Variants in GRIA1 observed in about 807,000 individuals in gnomAD.
GRIA1 encodes the protein glutamate receptor 1.
Under a neutral mutation model 99.2 loss-of-function variants are expected in GRIA1, and 31 were observed. That is an observed-to-expected ratio of 0.31 (90% CI 0.23 to 0.42). The LOEUF (loss-of-function observed/expected upper bound fraction) is 0.42. Among genes scored for constraint, GRIA1 ranks in the 10% least tolerant of loss-of-function variants. The probability of loss-of-function intolerance (pLI) is 1.00; values close to 1 mark genes in which losing one functional copy is unlikely to be tolerated. For synonymous variants in GRIA1, 438 were observed against 432.4 expected (o/e 1.01, Z -0.16); for missense variants, 782 against 1,157.5 (o/e 0.68, Z 4.71).
chr5:153,557,562 T>G (rs1421748058), intron 2 of GRIA1, among the ~76,000 whole-genome samples: 1 of 152,240 alleles, frequency 6.6e-6, no homozygotes, highest in Non-Finnish European at 1.5e-5. Context: ...ATACAACTTT[T>G]TTTTCCTTAT....
intron 2 of GRIA1, among the ~76,000 whole-genome samples, chr5:153,555,595 G>A (rs6891253): frequency 0.47 from 70,924 of 151,926 alleles, 18,290 homozygotes; most frequent in Non-Finnish European, 0.59. Flanking sequence ...CAAAGACCAG[G>A]GCCTCATGGA....
chr5:153,701,935 C>G (rs1227153828), intron 10 of GRIA1, among the ~76,000 whole-genome samples: 1 of 152,130 alleles, frequency 6.6e-6, no homozygotes, highest in Non-Finnish European at 1.5e-5. Flanking sequence ...GTGCCAGGTG[C>G]TATGTTGAAT....
intron 2 of GRIA1, among the ~76,000 whole-genome samples, chr5:153,632,668 G>A (rs546948597): frequency 2.0e-5 from 3 of 152,238 alleles, no homozygotes; most frequent in African/African-American, 2.4e-5. Context: ...TGGTCCTCAC[G>A]TCACAGGTGA....
intron 2 of GRIA1, among the ~76,000 whole-genome samples, chr5:153,512,281 G>A (rs1304170061): frequency 1.3e-5 from 2 of 152,124 alleles, no homozygotes; most frequent in Admixed American, 6.5e-5. Flanking sequence ...TTTACCTTGA[G>A]TGATTGGACT....
At chr5:153,585,719 A>T (rs1385588365) in intron 2 of GRIA1, among the ~76,000 whole-genome samples, 1 of 152,098 alleles carries the variant, frequency 6.6e-6, no homozygotes, top group African/African-American at 2.4e-5. Context: ...GTCCATGCTG[A>T]CTAGATTCCT....
chr5:153,780,236 C>T (rs577580025), intron 13 of GRIA1, among the ~76,000 whole-genome samples: 14 of 152,294 alleles, frequency 9.2e-5, no homozygotes, highest in African/African-American at 3.4e-4. Context: ...AGGAAAGAGA[C>T]GGATTGGATA....
At position 153,490,688 on chromosome 5, in the gene GRIA1, T is replaced by G; in HGVS notation, c.-201T>G. The G allele has an allele frequency of 1.6e-6, 1 of 636,634 alleles. No individual in the cohort carries two copies. The highest frequency in any genetic ancestry group is 2.8e-6 in the Non-Finnish European group (1 of 352,554). The allele number at this position is 636,634 out of a possible 1,614,324, so 39.4% of individuals were successfully genotyped here. A position where few individuals can be genotyped will look rare whatever the true frequency, so the allele number is the denominator to read the frequency against. On this transcript the variant is annotated 5_prime_UTR_variant, in exon 1 of 16. Coordinates refer to ENST00000285900, the MANE Select transcript of GRIA1 (RefSeq NM_000827.4). ...CGTGCTCAGTTAATCTGGCTGTCAGTTGGTGTTAACGCTGCAGTTTAAGTG... is the reference window on the plus strand; with the variant it reads ...CGTGCTCAGTTAATCTGGCTGTCAGGTGGTGTTAACGCTGCAGTTTAAGTG...
intron 2 of GRIA1, among the ~76,000 whole-genome samples, chr5:153,512,889 TG>T (rs1756236169): frequency 6.6e-6 from 1 of 152,154 alleles, no homozygotes; most frequent in Admixed American, 6.5e-5. Context: ...GTCATGAGGA[TG>T]TCATCCTCAT....
Position 153,709,126 on chromosome 5 carries a change from A to G in GRIA1, c.1823+3059A>G, listed in dbSNP as rs371617622. Among the ~76,000 whole-genome samples the G allele has an allele frequency of 1.3e-4, 20 of 152,332 alleles. No homozygotes were observed. The East Asian group carries it at 1.7e-3, about 13-fold the overall frequency. ...TTAGAGACTAAGAAGACAATGAAAA[A>G]CATCAGTAGAAACTTTTGTTGTCAT... On this transcript the variant is annotated intron_variant, in intron 11 of 15. Coordinates refer to ENST00000285900, the MANE Select transcript of GRIA1 (RefSeq NM_000827.4).
chr5:153,781,559 A>C (rs534844517), intron 13 of GRIA1, among the ~76,000 whole-genome samples: 2 of 152,244 alleles, frequency 1.3e-5, no homozygotes, highest in African/African-American at 2.4e-5. Context: ...ATTGCTTATC[A>C]CATAGACCAG....
At chr5:153,647,244 A>C (rs529928610) in intron 3 of GRIA1, 77 bp downstream of exon 3, 1 of 1,481,112 alleles carries the variant, frequency 6.8e-7, no homozygotes, top group African/African-American at 1.4e-5. Context: ...ATGATGCCTC[A>C]CTGCTTCCCT....
rs142020449 is a variant in GRIA1, at chr5:153,581,105, G to A, written c.221-65823G>A. On this transcript the variant is annotated intron_variant, in intron 2 of 15. Transcript: ENST00000285900. Reference sequence around the variant, plus strand: ...CATGCGGACGGCTTCCTACTCTCCCGTTTTTGCCCTCCCTGCACATCTGTG... The same window carrying A: ...CATGCGGACGGCTTCCTACTCTCCCATTTTTGCCCTCCCTGCACATCTGTG... Among the ~76,000 whole-genome samples, 624 of 152,282 alleles carry A rather than the reference G, an allele frequency of 4.1e-3. 7 individuals are homozygous for A. The highest frequency in any genetic ancestry group is 0.014 in the African/African-American group (593 of 41,572).
intron 11 of GRIA1, among the ~76,000 whole-genome samples, chr5:153,718,713 C>G (rs575597732): frequency 6.6e-6 from 1 of 152,166 alleles, no homozygotes; most frequent in East Asian, 1.9e-4. Flanking sequence ...TTCCTTCCCA[C>G]CCTATCCCTG....
Position 153,812,380 on chromosome 5 carries a change from T to C in GRIA1, c.*1155T>C, listed in dbSNP as rs1276725931. 1 of 152,202 alleles carries C rather than the reference T, an allele frequency of 6.6e-6. No individual in the cohort carries two copies. The highest frequency in any genetic ancestry group is 1.9e-4 in the East Asian group (1 of 5,196). 9.4% of individuals were successfully genotyped at this position (152,202 alleles called of 1,614,324 possible). A position where few individuals can be genotyped will look rare whatever the true frequency, so the allele number is the denominator to read the frequency against. On this transcript the variant is annotated 3_prime_UTR_variant, in exon 16 of 16. Transcript: ENST00000285900. Reference sequence around the variant, plus strand: ...ATAGAGCTTCCCATGGTGTGCCCTATCCTAGGTTTAAGAAAACACGTATGA... The same window carrying C: ...ATAGAGCTTCCCATGGTGTGCCCTACCCTAGGTTTAAGAAAACACGTATGA...
At chr5:153,797,274 T>C (rs1000437603) in intron 14 of GRIA1, among the ~76,000 whole-genome samples, 6 of 152,214 alleles carry the variant, frequency 3.9e-5, no homozygotes, top group African/African-American at 1.4e-4. Flanking sequence ...CTGGGAGTTA[T>C]GTGTGGTCCA....
Position 153,601,709 on chromosome 5 carries a change from C to T in GRIA1, c.221-45219C>T, listed in dbSNP as rs143380038. Among the ~76,000 whole-genome samples, 451 of 152,344 alleles carry T rather than the reference C, an allele frequency of 3.0e-3. 10 individuals carry two copies. The highest frequency in any genetic ancestry group is 0.029 in the East Asian group (149 of 5,186). On this transcript the variant is annotated intron_variant, in intron 2 of 15. Transcript: ENST00000285900. Reference sequence around the variant, plus strand: ...GTGAGATGGGAGAGCCAGTTTGCAACCCCACCTTGTTCACAGGATGATTTC... The same window carrying T: ...GTGAGATGGGAGAGCCAGTTTGCAATCCCACCTTGTTCACAGGATGATTTC...
At chr5:153,515,384 C>T (rs1264458299) in intron 2 of GRIA1, among the ~76,000 whole-genome samples, 1 of 152,100 alleles carries the variant, frequency 6.6e-6, no homozygotes, top group East Asian at 1.9e-4. Context: ...CACAGAATGA[C>T]AAATATTGCA....
At chr5:153,704,518 T>C (rs1476533801) in intron 10 of GRIA1, among the ~76,000 whole-genome samples, 4 of 152,212 alleles carry the variant, frequency 2.6e-5, no homozygotes, top group African/African-American at 9.6e-5. Flanking sequence ...AGGATGAATA[T>C]TTCTTGCAAC....
chr5:153,632,372 A>T (rs2149437084), intron 2 of GRIA1, among the ~76,000 whole-genome samples: 1 of 152,318 alleles, frequency 6.6e-6, no homozygotes, highest in African/African-American at 2.4e-5. Context: ...GACCAAACTT[A>T]CAGCTAATTT....
Sources: allele counts gnomAD v4.1 joint callset (sites outside exome capture counted in the v4.1 genomes callset), GRCh38; gene constraint gnomAD v4.1.1; transcripts MANE v1.5; gene names NCBI Gene and HGNC (gene_info 2026-07-23, HGNC 2026-07-21).